SDK1: variants seen among roughly 807,000 people sequenced by gnomAD.
The protein encoded by SDK1 is sidekick cell adhesion molecule 1.
SDK1 carries 157 observed loss-of-function variants against 245.5 expected under a neutral mutation model. The ratio of observed to expected loss-of-function variants is 0.64; its 90% CI spans 0.56 to 0.73. The LOEUF (loss-of-function observed/expected upper bound fraction) is 0.73. Ranked by LOEUF, SDK1 falls within the 30% of genes least tolerant of loss-of-function variation. SDK1 has a pLI of 0.00. For synonymous variants in SDK1, 1,647 were observed against 1,278.5 expected (o/e 1.29, Z -6.15); for missense variants, 3,583 against 3,002.3 (o/e 1.19, Z -4.52).
intron 1 of SDK1, among the ~76,000 whole-genome samples, chr7:3,493,548 A>C (rs1465262159): frequency 6.6e-6 from 1 of 152,242 alleles, no homozygotes; most frequent in Non-Finnish European, 1.5e-5. Flanking sequence ...CTGATAAAAC[A>C]GTCAGTAGTA....
At chr7:4,137,810 C>T (rs1779193440) in intron 28 of SDK1, among the ~76,000 whole-genome samples, 1 of 152,242 alleles carries the variant, frequency 6.6e-6, no homozygotes, top group South Asian at 2.1e-4. Flanking sequence ...CTCGCTGTAA[C>T]CGTAATTACA....
Position 3,595,952 on chromosome 7 carries a change from ATT to A in SDK1, c.299-23113_299-23112del, listed in dbSNP as rs199756528. Reference sequence around the variant, plus strand: ...CGGTGTTTTAACCTGTCTAATGGGTATTTTTTTTTTTTTTTTAAGTCATACCA... The same window carrying A: ...CGGTGTTTTAACCTGTCTAATGGGTATTTTTTTTTTTTTTAAGTCATACCA... On this transcript the variant is annotated intron_variant, in intron 1 of 44. Coordinates refer to ENST00000404826, the MANE Select transcript of SDK1 (RefSeq NM_152744.4). 3.5e-3 allele frequency among the ~76,000 whole-genome samples: 356 copies of A among 100,338 alleles called. 2 individuals carry two copies. The highest frequency in any genetic ancestry group is 0.025 in the South Asian group (72 of 2,890). 65.8% of individuals were successfully genotyped at this position (100,338 alleles called of 152,430 possible). A position where few individuals can be genotyped will look rare whatever the true frequency, so the allele number is the denominator to read the frequency against.
chr7:3,591,863 G>A (rs1780885504), intron 1 of SDK1, among the ~76,000 whole-genome samples: 3 of 152,194 alleles, frequency 2.0e-5, no homozygotes, highest in Admixed American at 1.3e-4. Context: ...AACTTTGAGT[G>A]CATAAGGATC....
intron 4 of SDK1, among the ~76,000 whole-genome samples, chr7:3,806,006 A>G (rs186843798): frequency 1.5e-4 from 23 of 152,072 alleles, no homozygotes; most frequent in African/African-American, 4.4e-4. Context: ...TCCTCCTCCT[A>G]TAGATCTCTG....
At chr7:3,440,703 T>G (rs1010002) in intron 1 of SDK1, among the ~76,000 whole-genome samples, 35,436 of 152,130 alleles carry the variant, frequency 0.23, 5,178 homozygotes, top group Middle Eastern at 0.35. Flanking sequence ...GAGAAAAATA[T>G]GCTGAGGTTG....
intron 22 of SDK1, among the ~76,000 whole-genome samples, chr7:4,101,078 G>A (rs775962190): frequency 1.3e-5 from 2 of 152,070 alleles, no homozygotes; most frequent in Non-Finnish European, 2.9e-5. Context: ...CCTTGCCTGG[G>A]CCCCGAAAAC....
chr7:3,312,447 C>T (rs898487945), intron 1 of SDK1, among the ~76,000 whole-genome samples: 4 of 151,732 alleles, frequency 2.6e-5, no homozygotes, highest in African/African-American at 9.7e-5. Context: ...AGATTAATTG[C>T]TTAAAATTAT....
intron 4 of SDK1, among the ~76,000 whole-genome samples, chr7:3,662,172 C>T (rs959921967): frequency 1.3e-5 from 2 of 150,434 alleles, no homozygotes; most frequent in Admixed American, 1.3e-4. Flanking sequence ...TTTATTCGAA[C>T]AAAAGTCCAA....
intron 4 of SDK1, among the ~76,000 whole-genome samples, chr7:3,762,975 G>A (rs1780150126): frequency 6.6e-6 from 1 of 152,114 alleles, no homozygotes; most frequent in Admixed American, 6.6e-5. Context: ...AAGCATCAGA[G>A]ACTGGATCTT....
At chr7:3,708,885 G>A (rs983262921) in intron 4 of SDK1, among the ~76,000 whole-genome samples, 2 of 152,178 alleles carry the variant, frequency 1.3e-5, no homozygotes, top group South Asian at 2.1e-4. Context: ...GAGCATTTAG[G>A]CCATTTACAT....
chr7:3,605,855 G>C (rs967277656), intron 1 of SDK1, among the ~76,000 whole-genome samples: 2 of 151,088 alleles, frequency 1.3e-5, no homozygotes, highest in Non-Finnish European at 3.0e-5. Context: ...AGTTGTTTTG[G>C]TTCATTTAAT....
intron 1 of SDK1, among the ~76,000 whole-genome samples, chr7:3,452,802 G>A (rs1005862839): frequency 1.3e-5 from 2 of 152,134 alleles, no homozygotes; most frequent in African/African-American, 2.4e-5. Context: ...GTCTTGCAGG[G>A]TGTTGTGATA....
At chr7:4,158,585 C>T (rs1162131914) in intron 31 of SDK1, 34 bp downstream of exon 31, 1 of 1,507,882 alleles carries the variant, frequency 6.6e-7, no homozygotes, top group Non-Finnish European at 9.2e-7. Flanking sequence ...GCGTTCCTGG[C>T]CGCTGCCCCT....
At chr7:3,986,933 A>G (rs1160406572) in intron 13 of SDK1, among the ~76,000 whole-genome samples, 1 of 152,246 alleles carries the variant, frequency 6.6e-6, no homozygotes, top group African/African-American at 2.4e-5. Context: ...CAGCGTCAGT[A>G]CTTGTTTTGG....
chr7:4,073,422 A>T (rs1780390946), intron 20 of SDK1, among the ~76,000 whole-genome samples: 1 of 152,228 alleles, frequency 6.6e-6, no homozygotes, highest in Admixed American at 6.5e-5. Context: ...ATTTGAGCAC[A>T]CTATATTATC....
intron 22 of SDK1, among the ~76,000 whole-genome samples, chr7:4,103,430 G>A (rs1297942709): frequency 1.3e-5 from 2 of 152,198 alleles, no homozygotes; most frequent in African/African-American, 2.4e-5. Context: ...GAGAGCCAGA[G>A]GAGCCCAGCC....
intron 1 of SDK1, among the ~76,000 whole-genome samples, chr7:3,476,407 C>A (rs1005335134): frequency 6.6e-6 from 1 of 152,212 alleles, no homozygotes. Flanking sequence ...TCCAGTACTT[C>A]TTTTCCTTTA....
intron 4 of SDK1, among the ~76,000 whole-genome samples, chr7:3,729,857 A>G (rs1779126690): frequency 6.6e-6 from 1 of 152,068 alleles, no homozygotes. Context: ...CCTTTTGGCT[A>G]AGATCAAGTG....
Position 4,137,428 on chromosome 7 carries a change from C to T in SDK1, c.4228+5005C>T, listed in dbSNP as rs898171836. On this transcript the variant is annotated intron_variant, in intron 28 of 44. Transcript: ENST00000404826. ...GGCTTCCAGTATCCAGCCTCAGCTC[C>T]TTAGTGCCACCTTCTTGTGTCTCGA... Among the ~76,000 whole-genome samples the T allele has an allele frequency of 3.9e-5, 6 of 152,342 alleles. No individual in the cohort carries two copies. The South Asian group carries it at 1.2e-3, about 32-fold the overall frequency.
Sources: gnomAD v4.1 joint callset for allele counts (sites outside exome capture counted in the v4.1 genomes callset) on GRCh38, gnomAD v4.1.1 for gene constraint, MANE v1.5 for transcripts, NCBI Gene and HGNC (gene_info 2026-07-23, HGNC 2026-07-21) for gene names.